The following TARBP1 variants were observed in gnomAD, a reference collection of about 807,000 sequenced individuals.
TARBP1 encodes tRNA guanosine 2 -O-methyltransferase TARBP1, also known as tRNA (guanosine(18)-2'-O)-methyltransferase TARBP1.
TARBP1 carries 144 observed loss-of-function variants against 178.6 expected under a neutral mutation model. The observed-to-expected ratio is 0.81, with a 90% CI of 0.70 to 0.93. TARBP1 has a LOEUF of 0.93. TARBP1 is among the 40% of genes least tolerant of loss of function. The probability of loss-of-function intolerance (pLI) is 0.00; values close to 1 mark genes in which losing one functional copy is unlikely to be tolerated. For missense variants in TARBP1, 2,067 were observed against 2,011.7 expected (o/e 1.03, Z -0.53); for synonymous variants, 787 against 781.0 (o/e 1.01, Z -0.13).
At chr1:234,433,853 T>C (rs1664728064) in intron 13 of TARBP1, among the ~76,000 whole-genome samples, 1 of 152,198 alleles carries the variant, frequency 6.6e-6, no homozygotes, top group Admixed American at 6.5e-5. Flanking sequence ...ATGGCAGAAA[T>C]TACCATCTAC....
At chr1:234,404,067 T>C (rs921792913) in intron 24 of TARBP1, among the ~76,000 whole-genome samples, 4 of 152,248 alleles carry the variant, frequency 2.6e-5, no homozygotes, top group East Asian at 1.9e-4. Flanking sequence ...GTGCGTTTTA[T>C]TGCTTAATAA....
chr1:234,478,310 A>C lies in TARBP1; in HGVS notation c.794T>G (p.Phe265Cys). 6.7e-7 allele frequency: 1 copy of C among 1,486,218 alleles called. No individual in the cohort carries two copies. Among genetic ancestry groups the C allele is most frequent in the South Asian group, 1.3e-5 (1 of 77,096 alleles). The allele number at this position is 1,486,218 out of a possible 1,614,324, so 92.1% of individuals were successfully genotyped here. Reference protein sequence around the residue: ...AGPDARRCWRFWRTVQAGLGQ... With the variant: ...AGPDARRCWRCWRTVQAGLGQ... ...CAGCCCCGCCTGCACCGTCCTCCAG[A>C]AGCGCCAGCAGCGCCGGGCGTCCGG... Residue 265 changes from phenylalanine to cysteine, a missense_variant, in exon 1 of 30, where the codon TTC (phenylalanine) becomes TGC (cysteine). Transcript: ENST00000040877.
chr1:234,470,553 C>G (rs1294227761), intron 3 of TARBP1, among the ~76,000 whole-genome samples: 1 of 127,632 alleles, frequency 7.8e-6, no homozygotes, highest in Admixed American at 7.5e-5. Flanking sequence ...TCTCCATCAT[C>G]AACGGTTTAA....
At chr1:234,413,138 G>A (rs1662033039) in intron 22 of TARBP1, among the ~76,000 whole-genome samples, 1 of 152,144 alleles carries the variant, frequency 6.6e-6, no homozygotes, top group Admixed American at 6.5e-5. Flanking sequence ...TGACAAATAT[G>A]TGAGCGAAGG....
Position 234,436,208 on chromosome 1 carries a change from G to A in TARBP1, c.2232+1067C>T, listed in dbSNP as rs192156245. ...TAATGGGTCATCATATAAGCATAAGGGAGGGTCATTAAACTTCTTTTGTAT... is the reference window on the plus strand; with the variant it reads ...TAATGGGTCATCATATAAGCATAAGAGAGGGTCATTAAACTTCTTTTGTAT... On this transcript the variant is annotated intron_variant, in intron 13 of 29. Transcript: ENST00000040877. 4.1e-3 allele frequency among the ~76,000 whole-genome samples: 627 copies of A among 152,194 alleles called. 5 individuals are homozygous for A. The highest frequency in any genetic ancestry group is 0.017 in the South Asian group (82 of 4,820).
At chr1:234,466,142 C>T (rs1250172571) in intron 4 of TARBP1, among the ~76,000 whole-genome samples, 9 of 152,170 alleles carry the variant, frequency 5.9e-5, no homozygotes, top group Non-Finnish European at 7.3e-5. Context: ...AGCAAGCTTA[C>T]ATGAAGTGCA....
At position 234,427,635 on chromosome 1, in the gene TARBP1, AT is replaced by A; in HGVS notation, c.3191del (p.Asn1064IlefsTer30). 3 of 1,599,212 alleles carry A rather than the reference AT, an allele frequency of 1.9e-6. No homozygotes were observed. Among genetic ancestry groups the A allele is most frequent in the Admixed American group, 1.8e-5 (1 of 55,264 alleles). ...VSQGSLSSAK[N>X]YSELILEACI... The stretch of plus-strand genomic sequence containing the variant: ...AAGCCTCAAGGATAAGTTCGCTATA[AT>A]TTTTAGCACTTGATAAAGATCCTTG... On this transcript the variant is annotated frameshift_variant, in exon 18 of 30. Coordinates refer to ENST00000040877, the MANE Select transcript of TARBP1 (RefSeq NM_005646.4). LOFTEE classifies it high-confidence loss of function.
chr1:234,464,220 G>A (rs773273159), intron 5 of TARBP1, among the ~76,000 whole-genome samples: 36 of 152,018 alleles, frequency 2.4e-4, no homozygotes, highest in Non-Finnish European at 3.8e-4. Flanking sequence ...TTGCTAAACA[G>A]TATCATAAAA....
chr1:234,461,685 G>C (rs2103264905), intron 6 of TARBP1, among the ~76,000 whole-genome samples: 1 of 152,324 alleles, frequency 6.6e-6, no homozygotes, highest in South Asian at 2.1e-4. Flanking sequence ...AGGAAGTATT[G>C]ATGGTTAGTG....
intron 12 of TARBP1, 135 bp downstream of exon 12, chr1:234,446,668 T>TTCTTAATATATAATTATATAATC: frequency 5.8e-6 from 2 of 344,184 alleles, no homozygotes; most frequent in Non-Finnish European, 8.8e-6. Flanking sequence ...ATTATATAAT[T>TTCTTAATATATAATTATATAATC]TCTTAAATAT....
At position 234,478,959 on chromosome 1, in the gene TARBP1, G is replaced by A. The variant is rs765997417; in HGVS notation, c.145C>T (p.Arg49Cys). ...AGCGCGCCTGCGCCCCCGCTGCCGC[G>A]CGCCTCCTCGTCCTCGAGCCGCTGC... is the stretch of plus-strand genomic sequence containing the variant. The part of the protein sequence containing the change: ...LLQRLEDEEA[R>C]GSGGAGALPE... The change falls in exon 1 of 30, where the codon CGC (arginine) becomes TGC (cysteine). Residue 49 changes from arginine (R) to cysteine (C), a missense_variant. Coordinates refer to ENST00000040877, the MANE Select transcript of TARBP1 (RefSeq NM_005646.4). The A allele has an allele frequency of 2.1e-6, 3 of 1,462,590 alleles. 1 individual carries two copies. In the South Asian group the frequency reaches 3.9e-5, roughly 19 times the overall value. 90.6% of individuals were successfully genotyped at this position (1,462,590 alleles called of 1,614,324 possible).
At chr1:234,423,457 G>A (rs1663342126) in intron 20 of TARBP1, among the ~76,000 whole-genome samples, 1 of 152,046 alleles carries the variant, frequency 6.6e-6, no homozygotes, top group South Asian at 2.1e-4. Context: ...CCCTTTTCTA[G>A]GGCAAACTCC....
intron 12 of TARBP1, among the ~76,000 whole-genome samples, chr1:234,445,760 T>G (rs1666098097): frequency 6.6e-6 from 1 of 152,188 alleles, no homozygotes; most frequent in South Asian, 2.1e-4. Flanking sequence ...CGTTCTTAGG[T>G]TGCATGTGAG....
At chr1:234,474,583 A>G (rs900227579) in intron 1 of TARBP1, among the ~76,000 whole-genome samples, 1 of 152,200 alleles carries the variant, frequency 6.6e-6, no homozygotes, top group Non-Finnish European at 1.5e-5. Context: ...CCATAGAGAG[A>G]AACAGTTCCT....
intron 9 of TARBP1, among the ~76,000 whole-genome samples, chr1:234,456,573 TTAC>T (rs1215203716): frequency 1.3e-5 from 2 of 152,222 alleles, no homozygotes; most frequent in African/African-American, 4.8e-5. Context: ...AACTGCATTT[TTAC>T]TACATCTTGA....
chr1:234,447,787 C>A (rs1322635252), intron 11 of TARBP1, among the ~76,000 whole-genome samples: 1 of 139,368 alleles, frequency 7.2e-6, no homozygotes, highest in Non-Finnish European at 1.6e-5. Flanking sequence ...AGTGTTTTAT[C>A]TTTATTACCG....
chr1:234,437,701 T>C (rs942796248), intron 12 of TARBP1, among the ~76,000 whole-genome samples: 2 of 152,224 alleles, frequency 1.3e-5, no homozygotes, highest in Admixed American at 1.3e-4. Context: ...GAAGTAACAC[T>C]GAACAGTGGT....
At chr1:234,444,075 C>A in intron 12 of TARBP1, among the ~76,000 whole-genome samples, 1 of 152,150 alleles carries the variant, frequency 6.6e-6, no homozygotes, top group Non-Finnish European at 1.5e-5. Context: ...TTCTATGTCA[C>A]AGAACTGTAC....
intron 4 of TARBP1, 40 bp from the exon 5 acceptor site, chr1:234,465,748 A>AGTT (rs1358181946): frequency 1.4e-5 from 21 of 1,516,322 alleles, no homozygotes; most frequent in Non-Finnish European, 1.9e-5. Flanking sequence ...ATTGAAACTT[A>AGTT]GTTGTAAATA....
Sources: gnomAD v4.1 joint callset for allele counts (sites outside exome capture counted in the v4.1 genomes callset) on GRCh38, gnomAD v4.1.1 for gene constraint, MANE v1.5 for transcripts, NCBI Gene and HGNC (gene_info 2026-07-23, HGNC 2026-07-21) for gene names.